Variants in MPP3 observed in about 807,000 individuals in gnomAD.
The protein encoded by MPP3 is MAGUK p55 scaffold protein 3, also known as MAGUK p55 subfamily member 3.
Under a neutral mutation model 80.7 loss-of-function variants are expected in MPP3, and 48 were observed. That is an observed-to-expected ratio of 0.59 (90% CI 0.47 to 0.76). The LOEUF (loss-of-function observed/expected upper bound fraction) is 0.76, where lower values mean the gene tolerates loss of function less well. Ranked by LOEUF, MPP3 falls within the 30% of genes least tolerant of loss-of-function variation. The pLI is 0.00. For synonymous variants in MPP3, 311 were observed against 297.6 expected, an observed-to-expected ratio of 1.04 and a Z score of -0.46; for missense variants, 620 against 763.0, an observed-to-expected ratio of 0.81 and a Z score of 2.21.
At chr17:43,802,559 T>A (rs192922424) in intron 19 of MPP3, among the ~76,000 whole-genome samples, 2 of 152,224 alleles carry the variant, frequency 1.3e-5, no homozygotes, top group Non-Finnish European at 2.9e-5. Flanking sequence ...CATTAAGGTA[T>A]AGGCAACAAC....
chr17:43,815,928 T>G, intron 14 of MPP3, 110 bp downstream of exon 14: 1 of 1,025,564 alleles, frequency 9.8e-7, no homozygotes, highest in Non-Finnish European at 1.4e-6. Flanking sequence ...TAGGCTCCAC[T>G]GCTCCAGAAG....
rs2044411076 is a variant in MPP3 at position 43,801,644 on chromosome 17, G to C, written c.*57C>G. 1 of 1,497,260 alleles carries C rather than the reference G, an allele frequency of 6.7e-7. No individual in the cohort carries two copies. The highest frequency in any genetic ancestry group is 1.8e-5 in the Admixed American group (1 of 54,322). 92.7% of individuals were successfully genotyped at this position (1,497,260 alleles called of 1,614,324 possible). On this transcript the variant is annotated 3_prime_UTR_variant, in exon 20 of 20. Transcript: ENST00000398389. ...GAGATTCCTTGATGGTAAAATGAGG[G>C]AGTCTGGACTAGATGATCTTCAAGG...
chr17:43,809,777 G>A (rs547826604), intron 18 of MPP3, among the ~76,000 whole-genome samples: 1 of 152,126 alleles, frequency 6.6e-6, no homozygotes, highest in Non-Finnish European at 1.5e-5. Flanking sequence ...TACTCGGGAG[G>A]CTGAGGCAAG....
At chr17:43,806,047 T>C (rs1354662575) in intron 19 of MPP3, among the ~76,000 whole-genome samples, 1 of 152,256 alleles carries the variant, frequency 6.6e-6, no homozygotes, top group Non-Finnish European at 1.5e-5. Flanking sequence ...TTTAGCGTTT[T>C]AGTGTATTTT....
chr17:43,825,560 G>A (rs2045655134), intron 9 of MPP3, 196 bp downstream of exon 9: 5 of 558,104 alleles, frequency 9.0e-6, no homozygotes, highest in East Asian at 3.0e-5. Context: ...AGAGGCAGAT[G>A]GAAGGGAAGT....
At chr17:43,832,854 GCA>G (rs2046037274) in intron 1 of MPP3, 35 bp from the exon 2 acceptor site, 1 of 152,630 alleles carries the variant, frequency 6.6e-6, no homozygotes, top group Non-Finnish European at 1.5e-5. Context: ...GGGCGCAGGA[GCA>G]GCGACCCCGG....
chr17:43,813,469 A>G (rs1224866506), intron 16 of MPP3, among the ~76,000 whole-genome samples: 2 of 152,004 alleles, frequency 1.3e-5, no homozygotes, highest in East Asian at 3.9e-4. Context: ...TCCTCTGCCC[A>G]CTGGAGCTTG....
intron 16 of MPP3, 124 bp from the exon 17 acceptor site, chr17:43,811,329 T>C (rs2044848309): frequency 2.9e-6 from 2 of 696,016 alleles, no homozygotes; most frequent in South Asian, 3.3e-5. Context: ...CACTTCCACC[T>C]CATTGCATGT....
intron 5 of MPP3, 67 bp downstream of exon 5, chr17:43,831,177 G>A (rs1598373434): frequency 6.8e-7 from 1 of 1,480,388 alleles, no homozygotes; most frequent in Non-Finnish European, 9.4e-7. Context: ...AGCAAGCGAG[G>A]CAAGATGAAG....
rs760232018 is a variant in MPP3 at position 43,810,912 on chromosome 17, G to A, written c.1353C>T (p.Phe451=). 6.2e-6 allele frequency: 10 copies of A among 1,602,162 alleles called. No individual in the cohort carries two copies. In the South Asian group the frequency reaches 1.0e-4, roughly 16 times the overall value. Residue 451 remains phenylalanine (F), a synonymous_variant, in exon 18 of 20, where the codon TTC becomes TTT. Coordinates refer to ENST00000398389, the MANE Select transcript of MPP3 (RefSeq NM_001932.6). ...AFEADLHHNK[F]LEHGEYKENL... is the part of the protein sequence containing the mutation. Reference sequence around the variant, plus strand: ...TTTCCTTATATTCACCATGTTCCAGGAACCTAAAACACCACCAAAGGGGAA... The same window carrying A: ...TTTCCTTATATTCACCATGTTCCAGAAACCTAAAACACCACCAAAGGGGAA...
chr17:43,818,933 C>CAA (rs60979702), intron 11 of MPP3: 6,077 of 121,028 alleles, frequency 0.05, 464 homozygotes, highest in African/African-American at 0.17. Context: ...AACCATGTCT[C>CAA]AAAAAAAAAA....
At chr17:43,813,575 T>C (rs2044966975) in intron 16 of MPP3, among the ~76,000 whole-genome samples, 1 of 152,266 alleles carries the variant, frequency 6.6e-6, no homozygotes, top group South Asian at 2.1e-4. Flanking sequence ...AACTGGAATC[T>C]GGCTATAAGG....
intron 6 of MPP3, 66 bp downstream of exon 6, chr17:43,829,961 G>A: frequency 6.4e-7 from 1 of 1,569,438 alleles, no homozygotes. Context: ...CTCATTAGGA[G>A]AGCTCCCTCC....
intron 19 of MPP3, among the ~76,000 whole-genome samples, chr17:43,806,151 T>TTTTA (rs141341983): frequency 0.16 from 23,660 of 151,810 alleles, 3,250 homozygotes; most frequent in African/African-American, 0.37. Context: ...AACACATGGC[T>TTTTA]TTTATTTATT....
At position 43,814,381 on chromosome 17, in the gene MPP3, G is replaced by T. The variant is rs1302259229; in HGVS notation, c.1010-20C>A. The T allele has an allele frequency of 1.9e-6, 3 of 1,580,900 alleles. No homozygotes were observed. The highest frequency in any genetic ancestry group is 3.5e-5 in the Admixed American group (2 of 57,282). ...GACCAGCTTGGGAGGAGGGGCAGAG[G>T]GACACCATGGCATTTGTCCCAGTTG... is the stretch of plus-strand genomic sequence containing the variant. On this transcript the variant is annotated intron_variant, in intron 14 of 19. Coordinates refer to ENST00000398389, the MANE Select transcript of MPP3 (RefSeq NM_001932.6).
chr17:43,802,992 A>T (rs1035221097), intron 19 of MPP3, among the ~76,000 whole-genome samples: 1 of 152,252 alleles, frequency 6.6e-6, no homozygotes, highest in African/African-American at 2.4e-5. Flanking sequence ...GTAGAAATGT[A>T]AGAGAAGGCT....
At position 43,816,113 on chromosome 17, in the gene MPP3, G is replaced by C. The variant is rs1381641558; in HGVS notation, c.968-34C>G. 3 of 1,503,690 alleles carry C rather than the reference G, an allele frequency of 2.0e-6. No individual in the cohort carries two copies. The East Asian group carries it at 7.9e-5, about 40-fold the overall frequency. The allele number at this position is 1,503,690 out of a possible 1,614,324, so 93.1% of individuals were successfully genotyped here. A position where few individuals can be genotyped will look rare whatever the true frequency, so the allele number is the denominator to read the frequency against. ...CAAACAGAGGGAGGGAAGCCAGTGA[G>C]TCCCACCAGACACATCCGGCCCAGG... is the stretch of plus-strand genomic sequence containing the variant. On this transcript the variant is annotated intron_variant, in intron 13 of 19. Coordinates refer to ENST00000398389, the MANE Select transcript of MPP3 (RefSeq NM_001932.6).
rs1420477312 is a variant in MPP3 at position 43,827,817 on chromosome 17, G to A, written c.457C>T (p.Arg153Trp). 8.7e-6 allele frequency: 14 copies of A among 1,612,918 alleles called. No homozygotes were observed. Among genetic ancestry groups the A allele is most frequent in the South Asian group, 2.2e-5 (2 of 91,082 alleles). Residue 153 changes from arginine (R) to tryptophan (W), a missense_variant, in exon 8 of 20, where the codon CGG becomes TGG. Transcript: ENST00000398389. Reference sequence around the variant, plus strand: ...ACAACAGCCCCTGAGTGCTCGTCCCGCCGGATGGTGGCACCCTGAACCCGA... The same window carrying A: ...ACAACAGCCCCTGAGTGCTCGTCCCACCGGATGGTGGCACCCTGAACCCGA... ...NKEPLGATIR[R>W]DEHSGAVVVA...
At position 43,825,643 on chromosome 17, in the gene MPP3, C is replaced by T. The variant is rs62621824; in HGVS notation, c.609+113G>A. The stretch of plus-strand genomic sequence containing the variant: ...CACACCATAAGGCCACTTTGCCTGC[C>T]ACCTCCTCAGGACAACAGCAAGGCT... On this transcript the variant is annotated intron_variant, in intron 9 of 19. Coordinates refer to ENST00000398389, the MANE Select transcript of MPP3 (RefSeq NM_001932.6). 6.8e-3 allele frequency: 5,013 copies of T among 737,216 alleles called. 198 individuals are homozygous for T. In the African/African-American group the frequency reaches 0.078, roughly 12 times the overall value. 45.7% of individuals were successfully genotyped at this position (737,216 alleles called of 1,614,324 possible).
Sources: gnomAD v4.1 joint callset for allele counts (sites outside exome capture counted in the v4.1 genomes callset) on GRCh38, gnomAD v4.1.1 for gene constraint, MANE v1.5 for transcripts, NCBI Gene and HGNC (gene_info 2026-07-23, HGNC 2026-07-21) for gene names.